Variants in TRAF3 observed in about 807,000 individuals in gnomAD.
TRAF3 encodes TNF receptor-associated factor 3.
Under a neutral mutation model 62.3 loss-of-function variants are expected in TRAF3, and 13 were observed. That is an observed-to-expected ratio of 0.21 (90% CI 0.14 to 0.33). The LOEUF (loss-of-function observed/expected upper bound fraction) is 0.33, where lower values mean the gene tolerates loss of function less well. TRAF3 is among the 10% of genes least tolerant of loss of function. TRAF3 has a pLI of 1.00. For missense variants in TRAF3, 440 were observed against 741.8 expected (o/e 0.59, Z 4.73); for synonymous variants, 269 against 283.4 (o/e 0.95, Z 0.51).
At chr14:102,898,839 G>A (rs1313457722) in intron 10 of TRAF3, among the ~76,000 whole-genome samples, 2 of 152,186 alleles carry the variant, frequency 1.3e-5, no homozygotes, top group African/African-American at 2.4e-5. Context: ...AAACTTTTGT[G>A]ATTGGATGAA....
At position 102,839,582 on chromosome 14, in the gene TRAF3, A is replaced by T. The variant is rs148467982; in HGVS notation, c.-18+9110A>T. 5.3e-5 allele frequency among the ~76,000 whole-genome samples: 8 copies of T among 152,300 alleles called. No homozygotes were observed. The East Asian group carries it at 1.5e-3, about 29-fold the overall frequency. On this transcript the variant is annotated intron_variant, in intron 2 of 11. Transcript: ENST00000392745. ...TGAGCACTTACTTTCAACAGTGAAG[A>T]AATTGACTTGGCAGCAGTTGCTGCA... is the stretch of plus-strand genomic sequence containing the variant.
At chr14:102,791,120 T>C (rs918513632) in intron 1 of TRAF3, among the ~76,000 whole-genome samples, 6 of 151,216 alleles carry the variant, frequency 4.0e-5, no homozygotes, top group African/African-American at 1.5e-4. Context: ...CCCGGGTTCA[T>C]GCCATTCTCC....
At chr14:102,814,440 C>G (rs1899390116) in intron 1 of TRAF3, among the ~76,000 whole-genome samples, 1 of 152,138 alleles carries the variant, frequency 6.6e-6, no homozygotes. Context: ...CAGTTTCATA[C>G]AAATTTTAGG....
intron 2 of TRAF3, among the ~76,000 whole-genome samples, chr14:102,848,315 G>C (rs1886839108): frequency 6.6e-6 from 1 of 152,140 alleles, no homozygotes; most frequent in Non-Finnish European, 1.5e-5. Flanking sequence ...TGTAGTCCCA[G>C]CTACATGGGA....
intron 1 of TRAF3, among the ~76,000 whole-genome samples, chr14:102,803,896 A>C (rs748535249): frequency 9.9e-5 from 15 of 152,196 alleles, no homozygotes; most frequent in Middle Eastern, 3.2e-3. Context: ...TGACCCTATG[A>C]AATTGACTTA....
intron 2 of TRAF3, among the ~76,000 whole-genome samples, chr14:102,854,373 G>A (rs1206940052): frequency 6.6e-6 from 1 of 152,130 alleles, no homozygotes; most frequent in Non-Finnish European, 1.5e-5. Context: ...TTTCCACAAG[G>A]GCTGCACCAT....
chr14:102,882,790 T>C (rs573498303), intron 6 of TRAF3, among the ~76,000 whole-genome samples: 1 of 152,344 alleles, frequency 6.6e-6, no homozygotes, highest in East Asian at 1.9e-4. Context: ...TATAAGGATT[T>C]CTTTTCTACG....
intron 1 of TRAF3, among the ~76,000 whole-genome samples, chr14:102,811,913 C>CCTTTTTTTTTTTTTTTTTTTTTTT (rs1381571409): frequency 2.1e-5 from 1 of 47,076 alleles, no homozygotes; most frequent in Non-Finnish European, 3.7e-5. Flanking sequence ...ATGCCTGGCC[C>CCTTTTTTTTTTTTTTTTTTTTTTT]TTTTTTTTTT....
intron 1 of TRAF3, among the ~76,000 whole-genome samples, chr14:102,790,728 G>A (rs1269576605): frequency 1.3e-5 from 2 of 152,140 alleles, no homozygotes; most frequent in South Asian, 2.1e-4. Context: ...TTTGGATGGG[G>A]ACACAGCCAA....
At chr14:102,864,486 T>C (rs1887868897) in intron 2 of TRAF3, among the ~76,000 whole-genome samples, 1 of 152,176 alleles carries the variant, frequency 6.6e-6, no homozygotes, top group South Asian at 2.1e-4. Context: ...TATTGAAGGA[T>C]GGACTTTGAG....
In TRAF3 at chr14:102,905,796, G is replaced by A; in HGVS notation, c.*12G>A. The stretch of plus-strand genomic sequence containing the variant: ...TGCCCGATCCCTGATAAGTAGCTGG[G>A]GAGGTGGATTTAGCAGAAGGCAACT... On this transcript the variant is annotated 3_prime_UTR_variant, in exon 12 of 12. Transcript: ENST00000392745. 1.2e-6 allele frequency: 2 copies of A among 1,612,302 alleles called. No individual in the cohort carries two copies. Among genetic ancestry groups the A allele is most frequent in the Non-Finnish European group, 1.7e-6 (2 of 1,178,884 alleles).
rs1566790086 is a variant in TRAF3 at position 102,876,537 on chromosome 14, C to T, written c.570+12C>T. 2 of 1,612,282 alleles carry T rather than the reference C, an allele frequency of 1.2e-6. No individual in the cohort carries two copies. Among genetic ancestry groups the T allele is most frequent in the East Asian group, 2.2e-5 (1 of 44,800 alleles). ...TGATCGCGCTGCAGGTGCGGGTCCT[C>T]CCATTCCACAGGCCTTCCACTCAAT... On this transcript the variant is annotated intron_variant, in intron 6 of 11. Coordinates refer to ENST00000392745, the MANE Select transcript of TRAF3 (RefSeq NM_145725.3).
chr14:102,841,808 A>G (rs955744865), intron 2 of TRAF3, among the ~76,000 whole-genome samples: 1 of 152,226 alleles, frequency 6.6e-6, no homozygotes, highest in Non-Finnish European at 1.5e-5. Context: ...GGATGATGCA[A>G]TTAGCACACA....
At chr14:102,893,515 G>A (rs866627239) in intron 9 of TRAF3, among the ~76,000 whole-genome samples, 9 of 152,104 alleles carry the variant, frequency 5.9e-5, no homozygotes, top group East Asian at 1.9e-4. Flanking sequence ...GCAGCCTTTC[G>A]GGGCCTAATC....
intron 2 of TRAF3, among the ~76,000 whole-genome samples, chr14:102,846,225 C>T (rs1289059064): frequency 6.6e-6 from 1 of 151,978 alleles, no homozygotes; most frequent in African/African-American, 2.4e-5. Flanking sequence ...GATAGCTGTA[C>T]CAGAAAAATC....
At chr14:102,813,703 G>A (rs951822744) in intron 1 of TRAF3, among the ~76,000 whole-genome samples, 4 of 151,554 alleles carry the variant, frequency 2.6e-5, no homozygotes, top group African/African-American at 7.3e-5. Flanking sequence ...CACCCGCCTC[G>A]GCCTCCCAAA....
intron 2 of TRAF3, among the ~76,000 whole-genome samples, chr14:102,860,361 C>T (rs773473115): frequency 6.6e-6 from 1 of 152,158 alleles, no homozygotes; most frequent in Non-Finnish European, 1.5e-5. Flanking sequence ...TAATAATTCT[C>T]GGGGTTCCAT....
intron 2 of TRAF3, among the ~76,000 whole-genome samples, chr14:102,835,448 ATG>A (rs1885942213): frequency 6.6e-6 from 1 of 152,202 alleles, no homozygotes. Context: ...ATATGTACAC[ATG>A]TGTGTTCACT....
intron 6 of TRAF3, among the ~76,000 whole-genome samples, chr14:102,884,342 C>T (rs1290776916): frequency 1.3e-5 from 2 of 152,196 alleles, no homozygotes; most frequent in East Asian, 1.9e-4. Flanking sequence ...TCTTAACTGA[C>T]GCCATCTTCA....
Sources: allele counts gnomAD v4.1 joint callset (sites outside exome capture counted in the v4.1 genomes callset), GRCh38; gene constraint gnomAD v4.1.1; transcripts MANE v1.5; gene names NCBI Gene and HGNC (gene_info 2026-07-23, HGNC 2026-07-21).